The following SBF1 variants were observed in gnomAD, a reference collection of about 807,000 sequenced individuals.
The protein encoded by SBF1 is SET binding factor 1.
In SBF1, 65 loss-of-function variants were observed where a neutral mutation model predicts 215.8. The ratio of observed to expected loss-of-function variants is 0.30; its 90% CI spans 0.25 to 0.37. SBF1 has a LOEUF of 0.37. SBF1 is among the 10% of genes least tolerant of loss of function. SBF1 has a pLI of 1.00. For synonymous variants in SBF1, 1,410 were observed against 1,122.8 expected (o/e 1.26, Z -5.11); for missense variants, 2,634 against 2,667.8 (o/e 0.99, Z 0.28).
At position 50,456,514 on chromosome 22, in the gene SBF1, A is replaced by AGGATATAGAGG; in HGVS notation, c.4053_4063dup (p.Leu1355ProfsTer35). 2.1e-6 allele frequency: 3 copies of AGGATATAGAGG among 1,404,432 alleles called. No individual in the cohort carries two copies. Among genetic ancestry groups the AGGATATAGAGG allele is most frequent in the Non-Finnish European group, 1.9e-6 (2 of 1,054,546 alleles). 87.0% of individuals were successfully genotyped at this position (1,404,432 alleles called of 1,614,324 possible). On this transcript the variant is annotated frameshift_variant, in exon 30 of 41. Coordinates refer to ENST00000380817, the MANE Select transcript of SBF1 (RefSeq NM_002972.4). LOFTEE classifies it high-confidence loss of function. The stretch of plus-strand genomic sequence containing the variant: ...CACCTTGAGCTGGGCTTTGTCCCCA[A>AGGATATAGAGG]GGATATAGAGGGCTGCTCGCTGCGG...
chr22:50,460,529 C>CT lies in SBF1; in HGVS notation c.3146+4_3146+5insA. The CT allele has an allele frequency of 6.2e-7, 1 of 1,613,880 alleles. No homozygotes were observed. On this transcript the variant is annotated splice_donor_region_variant and intron_variant, in intron 24 of 40. Transcript: ENST00000380817. ...AGCTGCCCTGCCTGGGACCCAGATC[C>CT]ATACCTGAGGGAAGGACCCTTGTCC... is the stretch of plus-strand genomic sequence containing the variant.
In SBF1 at chr22:50,459,523, A is replaced by G. The variant is rs1251851295; in HGVS notation, c.3635T>C (p.Leu1212Pro). The change falls in exon 27 of 41, where the codon CTG becomes CCG. Residue 1212 changes from leucine to proline, a missense_variant. Physicochemically the swap from Leu to Pro is moderately conservative, Grantham distance 98 (BLOSUM62 -3). Transcript: ENST00000380817. Reference protein sequence around the residue: ...SKAVLLRSGGLHGKGVVGLFK... With the variant: ...SKAVLLRSGGPHGKGVVGLFK... ...GAGGCCGACGACACCTTTGCCATGCAGGCCTCCAGAGCGCAGCAGCACCGC... is the reference window on the plus strand; with the variant it reads ...GAGGCCGACGACACCTTTGCCATGCGGGCCTCCAGAGCGCAGCAGCACCGC... 1 of 1,610,212 alleles carries G rather than the reference A, an allele frequency of 6.2e-7. No homozygotes were observed. The highest frequency in any genetic ancestry group is 8.5e-7 in the Non-Finnish European group (1 of 1,179,786).
In SBF1 at chr22:50,467,342, G is replaced by A. The variant is rs781458572; in HGVS notation, c.545C>T (p.Ser182Leu). 3.8e-5 allele frequency: 62 copies of A among 1,613,638 alleles called. No homozygotes were observed. The highest frequency in any genetic ancestry group is 4.5e-5 in the East Asian group (2 of 44,892). Reference protein sequence around the residue: ...LTCTVPLAGGSQRTISLGAGD... With the variant: ...LTCTVPLAGGLQRTISLGAGD... ...CCAGCTGCCTCCAAAACTCACCTGC[G>A]AGCCCCCAGCCAGGGGCACAGTGCA... is the stretch of plus-strand genomic sequence containing the variant. The change falls in exon 5 of 41, where the codon TCG (serine) becomes TTG (leucine). Residue 182 changes from serine to leucine, a missense_variant. Transcript: ENST00000380817.
intron 1 of SBF1, among the ~76,000 whole-genome samples, chr22:50,471,606 A>T (rs1397654217): frequency 6.6e-6 from 1 of 151,560 alleles, no homozygotes; most frequent in Non-Finnish European, 1.5e-5. Flanking sequence ...CACCCACCCA[A>T]CCCCAACGTG....
chr22:50,453,248 G>A (rs1182465053), intron 36 of SBF1, among the ~76,000 whole-genome samples: 1 of 152,220 alleles, frequency 6.6e-6, no homozygotes, highest in Admixed American at 6.5e-5. Context: ...AAAGCTGAGT[G>A]ACTCTGTTAG....
chr22:50,460,176 C>A lies in SBF1; in HGVS notation c.3284-17G>T, dbSNP rs1172584806. ...CCTCCGACACTGCACAGGCCGGGCA[C>A]ACGTGGTCATCACGGGGCCACTCCG... On this transcript the variant is annotated splice_polypyrimidine_tract_variant and intron_variant, in intron 25 of 40. Coordinates refer to ENST00000380817, the MANE Select transcript of SBF1 (RefSeq NM_002972.4). The A allele has an allele frequency of 9.3e-6, 15 of 1,609,252 alleles. No individual in the cohort carries two copies. The highest frequency in any genetic ancestry group is 1.3e-5 in the African/African-American group (1 of 74,906).
rs747006753 is a variant in SBF1 at position 50,467,547 on chromosome 22, G to A, written c.423C>T (p.His141=). ...CCGGCCTCACCCTGAACACCTCCGT[G>A]TGGTCGAGTCGCGACACCAGTACCA... ...KTLVLVSRLD[H]TEVFRNSLGL... is the part of the protein sequence containing the mutation. The change falls in exon 4 of 41, where the codon CAC becomes CAT. Residue 141 remains histidine, a synonymous_variant. Transcript: ENST00000380817. 1.2e-6 allele frequency: 2 copies of A among 1,614,168 alleles called. No individual in the cohort carries two copies. The highest frequency in any genetic ancestry group is 1.1e-5 in the South Asian group (1 of 91,090).
Position 50,455,570 on chromosome 22 carries a change from G to A in SBF1, c.4279C>T (p.Leu1427=). The change falls in exon 32 of 41, where the codon CTG becomes TTG. Residue 1427 remains leucine (L), a synonymous_variant. Coordinates refer to ENST00000380817, the MANE Select transcript of SBF1 (RefSeq NM_002972.4). ...SEWLIQIHKL[L]QVSVLVVELL... is the part of the protein sequence containing the mutation. ...TCCACCACCAGCACAGACACCTGCA[G>A]CAGCTTGTGGATCTGCAGGGACAGG... is the stretch of plus-strand genomic sequence containing the variant. 1 of 1,580,128 alleles carries A rather than the reference G, an allele frequency of 6.3e-7. No individual in the cohort carries two copies. The highest frequency in any genetic ancestry group is 8.6e-7 in the Non-Finnish European group (1 of 1,163,006).
chr22:50,454,777 G>C, intron 35 of SBF1, 35 bp from the exon 36 acceptor site: 2 of 1,605,994 alleles, frequency 1.2e-6, no homozygotes, highest in Non-Finnish European at 1.7e-6. Flanking sequence ...ACCTGGGTCG[G>C]GCAGGAGCCG....
At position 50,465,754 on chromosome 22, in the gene SBF1, G is replaced by T; in HGVS notation, c.1089+9C>A. ...GGGGTCCCCATGCAGGAGCAGCAACGACCCCCACCTGCATCTTCAGGGAGG... is the reference window on the plus strand; with the variant it reads ...GGGGTCCCCATGCAGGAGCAGCAACTACCCCCACCTGCATCTTCAGGGAGG... On this transcript the variant is annotated intron_variant, in intron 10 of 40. Transcript: ENST00000380817. The T allele has an allele frequency of 6.3e-7, 1 of 1,593,126 alleles. No individual in the cohort carries two copies. The highest frequency in any genetic ancestry group is 1.1e-5 in the South Asian group (1 of 88,522).
intron 1 of SBF1, 72 bp from the exon 2 acceptor site, chr22:50,468,533 G>C (rs1025909735): frequency 9.6e-6 from 11 of 1,146,392 alleles, no homozygotes; most frequent in Non-Finnish European, 1.3e-5. Context: ...GGATCCCAGG[G>C]TGGAAACATT....
At position 50,459,539 on chromosome 22, in the gene SBF1, G is replaced by A; in HGVS notation, c.3619C>T (p.Leu1207=). 2 of 1,610,352 alleles carry A rather than the reference G, an allele frequency of 1.2e-6. No homozygotes were observed. The highest frequency in any genetic ancestry group is 1.1e-5 in the South Asian group (1 of 91,044). Residue 1207 remains leucine (L), a synonymous_variant, in exon 27 of 41, where the codon CTG becomes TTG. Coordinates refer to ENST00000380817, the MANE Select transcript of SBF1 (RefSeq NM_002972.4). ...WRSGRSKAVL[L]RSGGLHGKGV... ...TTGCCATGCAGGCCTCCAGAGCGCA[G>A]CAGCACCGCCTTGGACCGCCCGCTG...
At position 50,464,571 on chromosome 22, in the gene SBF1, G is replaced by A. The variant is rs369080978; in HGVS notation, c.1599C>T (p.Ala533=). 2.8e-5 allele frequency: 45 copies of A among 1,611,934 alleles called. No homozygotes were observed. In the African/African-American group the frequency reaches 3.3e-4, roughly 12 times the overall value. The change falls in exon 14 of 41, where the codon GCC becomes GCT. Residue 533 remains alanine, a synonymous_variant. Transcript: ENST00000380817. ...KMQGAPPAVK[A]ERRTTVPSGP... is the part of the protein sequence containing the mutation. The stretch of plus-strand genomic sequence containing the variant: ...CTGAGGGCACGGTGGTCCTCCTCTC[G>A]GCCTTCACAGCTGGGGGTGCACCCT...
In SBF1 at chr22:50,460,173, G is replaced by T. The variant is rs1381556626; in HGVS notation, c.3284-14C>A. Reference sequence around the variant, plus strand: ...GCTCCTCCGACACTGCACAGGCCGGGCACACGTGGTCATCACGGGGCCACT... The same window carrying T: ...GCTCCTCCGACACTGCACAGGCCGGTCACACGTGGTCATCACGGGGCCACT... On this transcript the variant is annotated splice_polypyrimidine_tract_variant and intron_variant, in intron 25 of 40. Transcript: ENST00000380817. 1 of 1,609,538 alleles carries T rather than the reference G, an allele frequency of 6.2e-7. No homozygotes were observed.
chr22:50,447,271 C>T, intron 40 of SBF1, 31 bp from the exon 41 acceptor site: 6 of 1,613,070 alleles, frequency 3.7e-6, no homozygotes, highest in Non-Finnish European at 5.1e-6. Flanking sequence ...GACTCCGCAG[C>T]CCCCACACCG....
intron 1 of SBF1, among the ~76,000 whole-genome samples, chr22:50,472,625 C>T (rs1475179067): frequency 6.6e-6 from 1 of 152,186 alleles, no homozygotes; most frequent in Non-Finnish European, 1.5e-5. Context: ...CTCACTCCAT[C>T]CCCAGATGAG....
intron 1 of SBF1, among the ~76,000 whole-genome samples, chr22:50,469,159 C>G (rs1305861617): frequency 6.6e-6 from 1 of 152,202 alleles, no homozygotes; most frequent in Non-Finnish European, 1.5e-5. Flanking sequence ...GAAGGATGCC[C>G]AGATGGCTTC....
In SBF1 at chr22:50,470,928, C is replaced by T. The variant is rs537834711; in HGVS notation, c.56-2467G>A. Among the ~76,000 whole-genome samples, 9 of 152,314 alleles carry T rather than the reference C, an allele frequency of 5.9e-5. No individual in the cohort carries two copies. The South Asian group carries it at 1.9e-3, about 32-fold the overall frequency. On this transcript the variant is annotated intron_variant, in intron 1 of 40. Transcript: ENST00000380817. ...CCTTCTGAGGTCCCAGCCTGCACCT[C>T]AGCTCTGTGCTGTCCGGGGCCAGGC...
intron 1 of SBF1, among the ~76,000 whole-genome samples, chr22:50,473,724 G>T (rs1172142277): frequency 6.6e-6 from 1 of 152,114 alleles, no homozygotes; most frequent in Non-Finnish European, 1.5e-5. Flanking sequence ...AACTGGGAAG[G>T]CAAGCTCAAT....
Sources: allele counts gnomAD v4.1 joint callset (sites outside exome capture counted in the v4.1 genomes callset), GRCh38; gene constraint gnomAD v4.1.1; transcripts MANE v1.5; gene names NCBI Gene and HGNC (gene_info 2026-07-23, HGNC 2026-07-21).